Variants in XAB2 observed in about 807,000 individuals in gnomAD.
XAB2 encodes XPA binding protein 2, also known as pre-mRNA-splicing factor SYF1.
XAB2 carries 57 observed loss-of-function variants against 113.4 expected under a neutral mutation model. That is an observed-to-expected ratio of 0.50 (90% confidence interval 0.41 to 0.63). XAB2 has a LOEUF of 0.63. Among genes scored for constraint, XAB2 ranks in the 20% least tolerant of loss-of-function variants. XAB2 has a pLI of 0.00. For synonymous variants in XAB2, 497 were observed against 498.8 expected (o/e 1.00, Z 0.05); for missense variants, 1,037 against 1,233.3 (o/e 0.84, Z 2.38).
intron 12 of XAB2, chr19:7,621,805 G>T: frequency 5.3e-6 from 1 of 188,190 alleles, no homozygotes; most frequent in Non-Finnish European, 1.1e-5. Context: ...CTGAGCAGCG[G>T]GGCAGGGAGA....
chr19:7,620,349 T>C lies in XAB2; in HGVS notation c.2192A>G (p.Gln731Arg). 6.2e-7 allele frequency: 1 copy of C among 1,613,616 alleles called. No individual in the cohort carries two copies. Among genetic ancestry groups the C allele is most frequent in the Non-Finnish European group, 8.5e-7 (1 of 1,180,010 alleles). The change falls in exon 16 of 19, where the codon CAG becomes CGG. Residue 731 changes from glutamine (Q) to arginine (R), a missense_variant. Gln to Arg is a conservative substitution (Grantham distance 43). Coordinates refer to ENST00000358368, the MANE Select transcript of XAB2 (RefSeq NM_020196.3). ...GTTGACCTGCGTGTTGTACGTGGCCTGCACGCTGCGCCGGATACGCAGCAT... is the reference window on the plus strand; with the variant it reads ...GTTGACCTGCGTGTTGTACGTGGCCCGCACGCTGCGCCGGATACGCAGCAT... Reference protein sequence around the residue: ...KEMLRIRRSVQATYNTQVNFM... With the variant: ...KEMLRIRRSVRATYNTQVNFM...
In XAB2 at chr19:7,623,137, T is replaced by C. The variant is rs780287419; in HGVS notation, c.1239+33A>G. On this transcript the variant is annotated intron_variant, in intron 9 of 18. Coordinates refer to ENST00000358368, the MANE Select transcript of XAB2 (RefSeq NM_020196.3). This position sits in a 1 kb window ranked among gnomAD's most constrained non-coding sequence, Gnocchi z 4.6. ...ACATATACAAGCACACACACATGCA[T>C]GAACACACAGGCACACGCAACAGGG... 21 of 1,610,424 alleles carry C rather than the reference T, an allele frequency of 1.3e-5. No homozygotes were observed. The Admixed American group carries it at 3.0e-4, about 23-fold the overall frequency.
rs547228329 is a variant in XAB2 at position 7,624,817 on chromosome 19, G to A, written c.823-372C>T. Among the ~76,000 whole-genome samples, 15 of 152,222 alleles carry A rather than the reference G, an allele frequency of 9.9e-5. No homozygotes were observed. The East Asian group carries it at 1.9e-3, about 20-fold the overall frequency. Reference sequence around the variant, plus strand: ...GGACCCTCGCCTCAGCTCATCCTCCGAGGCCTCAGAATTTGCTCCAAAGCG... The same window carrying A: ...GGACCCTCGCCTCAGCTCATCCTCCAAGGCCTCAGAATTTGCTCCAAAGCG... On this transcript the variant is annotated intron_variant, in intron 6 of 18. Transcript: ENST00000358368. This position sits in a 1 kb window ranked among gnomAD's most constrained non-coding sequence, Gnocchi z 4.2.
chr19:7,623,223 T>C lies in XAB2; in HGVS notation c.1186A>G (p.Thr396Ala). 6.2e-7 allele frequency: 1 copy of C among 1,613,574 alleles called. No homozygotes were observed. The highest frequency in any genetic ancestry group is 1.1e-5 in the South Asian group (1 of 91,068). The stretch of plus-strand genomic sequence containing the variant: ...AACTTGGCAAACGCCACCCACAGAG[T>C]GTGGGGCTTGCCTGTGGCCTTGAAG... ...DPFKATGKPH[T>A]LWVAFAKFYE... The change falls in exon 9 of 19, where the codon ACT becomes GCT. Residue 396 changes from threonine (T) to alanine (A), a missense_variant. Coordinates refer to ENST00000358368, the MANE Select transcript of XAB2 (RefSeq NM_020196.3). This position sits in a 1 kb window ranked among gnomAD's most constrained non-coding sequence, Gnocchi z 4.6.
chr19:7,629,513 C>T lies in XAB2; in HGVS notation c.15G>A (p.Ala5=), dbSNP rs2031215200. The part of the protein sequence containing the change: MVVM[A]RLSRPERPDL... ...CCGGCCGCTCGGGCCGCGAGAGTCG[C>T]GCCATCACCACCATTTTTCTGGATG... The change falls in exon 1 of 19, where the codon GCG becomes GCA. Residue 5 remains alanine (A), a synonymous_variant. Transcript: ENST00000358368. 6.2e-7 allele frequency: 1 copy of T among 1,605,080 alleles called. No homozygotes were observed. Among genetic ancestry groups the T allele is most frequent in the Non-Finnish European group, 8.5e-7 (1 of 1,176,076 alleles).
rs557765118 is a variant in XAB2 at position 7,626,747 on chromosome 19, A to G, written c.523-477T>C. Among the ~76,000 whole-genome samples, 13 of 151,324 alleles carry G rather than the reference A, an allele frequency of 8.6e-5. No individual in the cohort carries two copies. In the East Asian group the frequency reaches 1.8e-3, roughly 20 times the overall value. On this transcript the variant is annotated intron_variant, in intron 4 of 18. Transcript: ENST00000358368. Reference sequence around the variant, plus strand: ...TGATCCCATGGGTCCAGCCTTGACTATAGTGTCCAGCCTGGGCCCCACGGG... The same window carrying G: ...TGATCCCATGGGTCCAGCCTTGACTGTAGTGTCCAGCCTGGGCCCCACGGG...
rs373447776 is a variant in XAB2 at position 7,619,911 on chromosome 19, T to C, written c.2396+35A>G. ...CCACCCCGGGCCCCCTTGGGACCTG[T>C]CCCAGTCCTGTCCCGTCCAAGGATC... On this transcript the variant is annotated intron_variant, in intron 17 of 18. Coordinates refer to ENST00000358368, the MANE Select transcript of XAB2 (RefSeq NM_020196.3). The C allele has an allele frequency of 2.5e-5, 40 of 1,609,704 alleles. No individual in the cohort carries two copies. The African/African-American group carries it at 4.9e-4, about 20-fold the overall frequency.
At position 7,620,358 on chromosome 19, in the gene XAB2, C is replaced by T. The variant is rs997388410; in HGVS notation, c.2183G>A (p.Arg728His). ...DTIKEMLRIRRSVQATYNTQV... is the reference protein window; with the variant it reads ...DTIKEMLRIRHSVQATYNTQV... The stretch of plus-strand genomic sequence containing the variant: ...CGTGTTGTACGTGGCCTGCACGCTG[C>T]GCCGGATACGCAGCATTTCCTTGAT... Residue 728 changes from arginine to histidine, a missense_variant, in exon 16 of 19, where the codon CGC (arginine) becomes CAC (histidine). Coordinates refer to ENST00000358368, the MANE Select transcript of XAB2 (RefSeq NM_020196.3). The T allele has an allele frequency of 5.6e-6, 9 of 1,613,258 alleles. No individual in the cohort carries two copies. The highest frequency in any genetic ancestry group is 1.1e-5 in the South Asian group (1 of 91,092).
chr19:7,627,670 A>G lies in XAB2; in HGVS notation c.324+58T>C. The G allele has an allele frequency of 1.1e-5, 12 of 1,139,430 alleles. No individual in the cohort carries two copies. Among genetic ancestry groups the G allele is most frequent in the Non-Finnish European group, 1.5e-5 (12 of 796,916 alleles). The allele number at this position is 1,139,430 out of a possible 1,614,324, so 70.6% of individuals were successfully genotyped here. A position where few individuals can be genotyped will look rare whatever the true frequency, so the allele number is the denominator to read the frequency against. On this transcript the variant is annotated intron_variant, in intron 3 of 18. Transcript: ENST00000358368. This position sits in a 1 kb window ranked among gnomAD's most constrained non-coding sequence, Gnocchi z 4.5. ...TGAGCCCAGCCCCTGTCCCCGCCCC[A>G]CCCACCACCATGGACTGAGCTCCAC...
chr19:7,619,945 C>T lies in XAB2; in HGVS notation c.2396+1G>A. 1 of 1,611,158 alleles carries T rather than the reference C, an allele frequency of 6.2e-7. No individual in the cohort carries two copies. Among genetic ancestry groups the T allele is most frequent in the East Asian group, 2.2e-5 (1 of 44,890 alleles). ...TGTCCCGTCCAAGGATCCGCCCTCACCTCACGAACAGGATCTTGCTCTGGG... is the reference window on the plus strand; with the variant it reads ...TGTCCCGTCCAAGGATCCGCCCTCATCTCACGAACAGGATCTTGCTCTGGG... On this transcript the variant is annotated splice_donor_variant, in intron 17 of 18. Coordinates refer to ENST00000358368, the MANE Select transcript of XAB2 (RefSeq NM_020196.3). LOFTEE classifies it high-confidence loss of function.
rs573591781 is a variant in XAB2 at position 7,622,597 on chromosome 19, C to T, written c.1436G>A (p.Arg479His). ...YFDGSEPVQN[R>H]VYKSLKVWSM... The stretch of plus-strand genomic sequence containing the variant: ...CCAGACCTTCAGTGACTTGTACACG[C>T]GGTTCTGCACGGGCTCTGAACCATC... The change falls in exon 11 of 19, where the codon CGC becomes CAC. Residue 479 changes from arginine (R) to histidine (H), a missense_variant. By Grantham distance (29) the Arg-to-His change is conservative. Coordinates refer to ENST00000358368, the MANE Select transcript of XAB2 (RefSeq NM_020196.3). 8 of 1,612,884 alleles carry T rather than the reference C, an allele frequency of 5.0e-6. No individual in the cohort carries two copies. Among genetic ancestry groups the T allele is most frequent in the South Asian group, 1.1e-5 (1 of 91,088 alleles).
intron 12 of XAB2, chr19:7,621,559 G>A (rs2031034931): frequency 2.0e-6 from 1 of 493,202 alleles, no homozygotes; most frequent in Admixed American, 3.5e-5. Context: ...ATGGGTGAAG[G>A]TGGGTGGCTC....
chr19:7,628,111 G>A lies in XAB2; in HGVS notation c.200+39C>T, dbSNP rs376203895. ...TTTTGTTATAACTGGACCAGGTGGG[G>A]TGGGGGCTGGTGGGCAGGGCAGCTG... On this transcript the variant is annotated intron_variant, in intron 2 of 18. Coordinates refer to ENST00000358368, the MANE Select transcript of XAB2 (RefSeq NM_020196.3). This position sits in a 1 kb window ranked among gnomAD's most constrained non-coding sequence, Gnocchi z 4.6. 1.1e-5 allele frequency: 17 copies of A among 1,592,976 alleles called. No individual in the cohort carries two copies. The African/African-American group carries it at 2.1e-4, about 20-fold the overall frequency.
chr19:7,620,304 A>G lies in XAB2; in HGVS notation c.2237T>C (p.Leu746Pro). ...GCCCGTGGCACTGCCCGAGACCTTG[A>G]GCATCTGCGAGGCCATGAAGTTGAC... The part of the protein sequence containing the change: ...TQVNFMASQM[L>P]KVSGSATGTV... Residue 746 changes from leucine to proline, a missense_variant, in exon 16 of 19, where the codon CTC becomes CCC. By Grantham distance (98) the Leu-to-Pro change is moderately conservative (BLOSUM62 -3). Coordinates refer to ENST00000358368, the MANE Select transcript of XAB2 (RefSeq NM_020196.3). 2 of 1,613,514 alleles carry G rather than the reference A, an allele frequency of 1.2e-6. No homozygotes were observed. Among genetic ancestry groups the G allele is most frequent in the Non-Finnish European group, 1.7e-6 (2 of 1,179,994 alleles).
Position 7,627,017 on chromosome 19 carries a change from T to C in XAB2, c.522+226A>G, listed in dbSNP as rs2031152584. ...AGCTCCGTGCAGGCAGGGAGTGTCTTAGTCACACTGTCCTCAGCACCCATC... is the reference window on the plus strand; with the variant it reads ...AGCTCCGTGCAGGCAGGGAGTGTCTCAGTCACACTGTCCTCAGCACCCATC... On this transcript the variant is annotated intron_variant, in intron 4 of 18. Coordinates refer to ENST00000358368, the MANE Select transcript of XAB2 (RefSeq NM_020196.3). The surrounding 1 kb of genome is among the most constrained non-coding windows in gnomAD (Gnocchi z 4.5). Among the ~76,000 whole-genome samples, 1 of 152,220 alleles carries C rather than the reference T, an allele frequency of 6.6e-6. No individual in the cohort carries two copies. The highest frequency in any genetic ancestry group is 2.4e-5 in the African/African-American group (1 of 41,448).
Position 7,624,296 on chromosome 19 carries a change from C to T in XAB2, c.967+5G>A, listed in dbSNP as rs149869496. ...CCCCACCAGCCGGGGCCCCCAGAGG[C>T]TCACCCTCCTCCTCGCGCCCCAGCT... On this transcript the variant is annotated splice_donor_5th_base_variant and intron_variant, in intron 7 of 18. Transcript: ENST00000358368. This position sits in a 1 kb window ranked among gnomAD's most constrained non-coding sequence, Gnocchi z 4.2. 2,503 of 1,613,042 alleles carry T rather than the reference C, an allele frequency of 1.6e-3. 17 individuals are homozygous for T. The highest frequency in any genetic ancestry group is 6.5e-3 in the South Asian group (592 of 91,086).
chr19:7,626,113 T>C, intron 5 of XAB2, 23 bp downstream of exon 5: 1 of 1,613,070 alleles, frequency 6.2e-7, no homozygotes, highest in East Asian at 2.2e-5. Context: ...TCCCACCCAG[T>C]TGCCGGCTCC....
Position 7,628,387 on chromosome 19 carries a change from T to G in XAB2, c.52-89A>C. 1 of 1,544,768 alleles carries G rather than the reference T, an allele frequency of 6.5e-7. No individual in the cohort carries two copies. The highest frequency in any genetic ancestry group is 1.8e-5 in the Admixed American group (1 of 54,518). On this transcript the variant is annotated intron_variant, in intron 1 of 18. Transcript: ENST00000358368. The surrounding 1 kb of genome is among the most constrained non-coding windows in gnomAD (Gnocchi z 4.6). Reference sequence around the variant, plus strand: ...CCACTGCTGGGGCTCAGGTCCAAACTCCGGACTTTTACCTAGATCCCACCA... The same window carrying G: ...CCACTGCTGGGGCTCAGGTCCAAACGCCGGACTTTTACCTAGATCCCACCA...
At chr19:7,620,793 C>T (rs906581938) in intron 14 of XAB2, 53 bp downstream of exon 14, 4 of 1,563,712 alleles carry the variant, frequency 2.6e-6, no homozygotes, top group Non-Finnish European at 3.5e-6. Context: ...GCCTGGACCC[C>T]TTCCGTCTGC....
Sources: allele counts gnomAD v4.1 joint callset (sites outside exome capture counted in the v4.1 genomes callset), GRCh38; gene constraint gnomAD v4.1.1; non-coding constraint Gnocchi (gnomAD v3.1); transcripts MANE v1.5; gene names NCBI Gene and HGNC (gene_info 2026-07-23, HGNC 2026-07-21).